Variants in LARGE1 observed in about 807,000 individuals in gnomAD.
LARGE1 encodes the protein xylosyl- and glucuronyltransferase LARGE1.
A neutral mutation model predicts 87.6 loss-of-function variants in LARGE1; 43 were observed. The observed-to-expected ratio is 0.49, with a 90% CI of 0.38 to 0.63. The LOEUF (loss-of-function observed/expected upper bound fraction) is 0.63. Among genes scored for constraint, LARGE1 ranks in the 30% least tolerant of loss-of-function variants. The pLI, the probability that LARGE1 is intolerant of heterozygous loss-of-function variation, is 0.00. For missense variants in LARGE1, 802 were observed against 1,000.2 expected (o/e 0.80, Z 2.67); for synonymous variants, 434 against 394.6 (o/e 1.10, Z -1.18).
At chr22:33,390,202 C>G (rs1569120479) in intron 7 of LARGE1, among the ~76,000 whole-genome samples, 1 of 152,186 alleles carries the variant, frequency 6.6e-6, no homozygotes, top group South Asian at 2.1e-4. Context: ...TACCCCGATT[C>G]AACCAAGAAT....
intron 6 of LARGE1, among the ~76,000 whole-genome samples, chr22:33,564,366 T>C (rs1235668484): frequency 6.6e-6 from 1 of 152,130 alleles, no homozygotes; most frequent in Non-Finnish European, 1.5e-5. Context: ...CCCACCAGAC[T>C]AGAAAGAACG....
chr22:33,435,603 G>T (rs913345864), intron 6 of LARGE1, among the ~76,000 whole-genome samples: 1 of 152,072 alleles, frequency 6.6e-6, no homozygotes, highest in Non-Finnish European at 1.5e-5. Context: ...TCAGGCACCC[G>T]CTCCCCTGTA....
chr22:33,358,308 T>TC (rs2064253981), intron 9 of LARGE1, among the ~76,000 whole-genome samples: 1 of 151,562 alleles, frequency 6.6e-6, no homozygotes, highest in African/African-American at 2.4e-5. Context: ...ACTGTTTTTT[T>TC]TTCTTCCTTG....
In LARGE1 at chr22:33,204,056, GTGGA is replaced by G. The variant is rs555962314; in HGVS notation, c.1731-37228_1731-37225del. 4.3e-3 allele frequency among the ~76,000 whole-genome samples: 648 copies of G among 152,278 alleles called. 4 individuals are homozygous for G. The highest frequency in any genetic ancestry group is 0.015 in the African/African-American group (611 of 41,558). On this transcript the variant is annotated intron_variant, in intron 11 of 11. Transcript: ENST00000608642. ...TTTGGGAGAGCAAATGAATGAATGA[GTGGA>G]TGGATGGATGGATGGATGAACAAAA...
chr22:33,263,230 CCT>C (rs766894096), intron 11 of LARGE1, among the ~76,000 whole-genome samples: 7 of 152,184 alleles, frequency 4.6e-5, no homozygotes, highest in Non-Finnish European at 1.0e-4. Flanking sequence ...TATCAGAATT[CCT>C]CTCTGTGTCA....
intron 5 of LARGE1, among the ~76,000 whole-genome samples, chr22:33,596,049 C>A (rs966323229): frequency 2.0e-5 from 3 of 152,102 alleles, no homozygotes; most frequent in Admixed American, 2.0e-4. Flanking sequence ...AGATTAATGA[C>A]CATTTGTATA....
intron 6 of LARGE1, among the ~76,000 whole-genome samples, chr22:33,460,815 C>G (rs575442849): frequency 1.3e-5 from 2 of 152,292 alleles, no homozygotes; most frequent in Admixed American, 6.5e-5. Context: ...GGAGCCAGTT[C>G]TATAGGAAAT....
At chr22:33,751,038 A>G (rs1234498629) in intron 2 of LARGE1, among the ~76,000 whole-genome samples, 3 of 152,264 alleles carry the variant, frequency 2.0e-5, no homozygotes, top group Admixed American at 6.5e-5. Flanking sequence ...CAAAACCTAC[A>G]AAATCACTTC....
chr22:33,171,402 G>C (rs906708528), intron 11 of LARGE1, among the ~76,000 whole-genome samples: 2 of 152,186 alleles, frequency 1.3e-5, no homozygotes, highest in Non-Finnish European at 2.9e-5. Flanking sequence ...AATGTTAATA[G>C]CCAAGACAAT....
At chr22:33,873,579 G>A (rs2064371075) in intron 1 of LARGE1, among the ~76,000 whole-genome samples, 1 of 152,134 alleles carries the variant, frequency 6.6e-6, no homozygotes, top group Non-Finnish European at 1.5e-5. Flanking sequence ...ACCCACCCAG[G>A]AAGATAGCAT....
intron 2 of LARGE1, among the ~76,000 whole-genome samples, chr22:33,715,096 C>A (rs965799236): frequency 1.1e-4 from 17 of 152,164 alleles, no homozygotes; most frequent in African/African-American, 4.1e-4. Flanking sequence ...GAAGCTTGGG[C>A]TAGAAAGAAT....
intron 1 of LARGE1, among the ~76,000 whole-genome samples, chr22:33,816,262 T>C (rs551506744): frequency 6.6e-6 from 1 of 152,260 alleles, no homozygotes; most frequent in African/African-American, 2.4e-5. Flanking sequence ...TCCAGGTAGG[T>C]AGGCAGACTC....
chr22:33,383,008 T>C (rs903797180), intron 8 of LARGE1, among the ~76,000 whole-genome samples: 2 of 152,182 alleles, frequency 1.3e-5, no homozygotes, highest in Non-Finnish European at 2.9e-5. Context: ...GTTTCCTCCG[T>C]ATTATGAAAC....
At chr22:33,269,058 G>A (rs574933603), downstream of LARGE1, among the ~76,000 whole-genome samples, 5 of 151,940 alleles carry the variant, frequency 3.3e-5, no homozygotes, top group South Asian at 4.2e-4. Flanking sequence ...TTTAACCCTT[G>A]TATTTTGGTT....
At chr22:33,150,164 A>C in the LARGE1 span, among the ~76,000 whole-genome samples, 1,278 of 152,330 alleles carry the variant, frequency 8.4e-3, 19 homozygotes, top group African/African-American at 0.027. Flanking sequence ...CCAGATCACC[A>C]CATCCAGACA....
chr22:33,216,472 C>CA (rs1925206861), intron 11 of LARGE1, among the ~76,000 whole-genome samples: 1 of 151,436 alleles, frequency 6.6e-6, no homozygotes, highest in Non-Finnish European at 1.5e-5. Flanking sequence ...ACTGCAAATA[C>CA]AAAAAAATAA....
At chr22:33,723,093 A>G (rs2083158935) in intron 2 of LARGE1, among the ~76,000 whole-genome samples, 1 of 152,122 alleles carries the variant, frequency 6.6e-6, no homozygotes, top group Non-Finnish European at 1.5e-5. Flanking sequence ...TCTATACGAA[A>G]GGCTGGAGGA....
chr22:33,556,554 G>GGGAGGGAGGGAGGGAGGGAA (rs2077689527), intron 6 of LARGE1, among the ~76,000 whole-genome samples: 1 of 83,770 alleles, frequency 1.2e-5, no homozygotes, highest in Non-Finnish European at 2.3e-5. Flanking sequence ...GAGGGAGGGA[G>GGGAGGGAGGGAGGGAGGGAA]GGAGGGAGGG....
intron 2 of LARGE1, among the ~76,000 whole-genome samples, chr22:33,683,027 G>T (rs140336277): frequency 6.6e-6 from 1 of 152,206 alleles, no homozygotes; most frequent in Admixed American, 6.5e-5. Flanking sequence ...TATATGACAA[G>T]AATTGTTCTA....
Sources: gnomAD v4.1 joint callset for allele counts (sites outside exome capture counted in the v4.1 genomes callset) on GRCh38, gnomAD v4.1.1 for gene constraint, MANE v1.5 for transcripts, NCBI Gene and HGNC (gene_info 2026-07-23, HGNC 2026-07-21) for gene names.